MMP26: variants seen among roughly 807,000 people sequenced by gnomAD.
The protein encoded by MMP26 is matrix metalloproteinase-26.
MMP26 carries 33 observed loss-of-function variants against 31.0 expected under a neutral mutation model. The ratio of observed to expected loss-of-function variants is 1.06; its 90% CI spans 0.81 to 1.42. The LOEUF (loss-of-function observed/expected upper bound fraction) is 1.42, where lower values mean the gene tolerates loss of function less well. Ranked by LOEUF, MMP26 falls within the 40% of genes most tolerant of loss-of-function variation. MMP26 has a pLI of 0.00. For missense variants in MMP26, 347 were observed against 316.1 expected, an observed-to-expected ratio of 1.10 and a Z score of -0.74; for synonymous variants, 122 against 114.9, an observed-to-expected ratio of 1.06 and a Z score of -0.40.
At position 4,947,258 on chromosome 11, in the gene MMP26, A is replaced by G; in HGVS notation, c.-144-40810A>G. On this transcript the variant is annotated intron_variant, in intron 2 of 7. Coordinates refer to ENST00000380390, the MANE Select transcript of MMP26 (RefSeq NM_021801.5). ...AGCATTTATGTGGCTATCATCATGA[A>G]GAGAGATGGTTGGTTGCTGCTTTGG... The G allele has an allele frequency of 4.6e-6, 2 of 435,170 alleles. 1 individual carries two copies. The highest frequency in any genetic ancestry group is 7.9e-6 in the Non-Finnish European group (2 of 254,036). 27.0% of individuals were successfully genotyped at this position (435,170 alleles called of 1,614,324 possible).
intron 2 of MMP26, chr11:4,915,039 C>T (rs767452142): frequency 2.3e-5 from 37 of 1,613,836 alleles, no homozygotes; most frequent in East Asian, 6.7e-5. Flanking sequence ...ACTGTAGAGA[C>T]GATGACAAAC....
intron 2 of MMP26, among the ~76,000 whole-genome samples, chr11:4,771,418 C>T (rs1848718523): frequency 6.6e-6 from 1 of 152,074 alleles, no homozygotes; most frequent in East Asian, 1.9e-4. Flanking sequence ...TACTGCTGTT[C>T]AAAAGTGTAA....
intron 1 of MMP26, among the ~76,000 whole-genome samples, chr11:4,764,879 GACACAC>G (rs60775849): frequency 6.7e-6 from 1 of 150,276 alleles, no homozygotes; most frequent in Non-Finnish European, 1.5e-5. Flanking sequence ...CTCCATCACA[GACACAC>G]ACACACACAC....
intron 1 of MMP26, among the ~76,000 whole-genome samples, chr11:4,749,560 G>C (rs1848421820): frequency 6.6e-6 from 1 of 152,064 alleles, no homozygotes; most frequent in African/African-American, 2.4e-5. Context: ...AAAGAGCATA[G>C]TACTGGTATA....
At chr11:4,726,123 C>T (rs995485330) in intron 1 of MMP26, among the ~76,000 whole-genome samples, 1 of 152,170 alleles carries the variant, frequency 6.6e-6, no homozygotes, top group African/African-American at 2.4e-5. Context: ...CCAAGAGAAG[C>T]CCCCCAAACC....
intron 1 of MMP26, among the ~76,000 whole-genome samples, chr11:4,715,174 G>A (rs904401010): frequency 2.0e-5 from 3 of 151,892 alleles, no homozygotes; most frequent in South Asian, 2.1e-4. Flanking sequence ...ATATTTCAAG[G>A]TATTGGGAAT....
Position 4,952,610 on chromosome 11 carries a change from G to T in MMP26, c.-144-35458G>T, listed in dbSNP as rs189986310. Among the ~76,000 whole-genome samples, 5 of 125,178 alleles carry T rather than the reference G, an allele frequency of 4.0e-5. 2 individuals carry two copies. In the Admixed American group the frequency reaches 4.4e-4, roughly 11 times the overall value. The allele number at this position is 125,178 out of a possible 152,430, so 82.1% of individuals were successfully genotyped here. A position where few individuals can be genotyped will look rare whatever the true frequency, so the allele number is the denominator to read the frequency against. Reference sequence around the variant, plus strand: ...AATTTAAAAACTAAAATGTACTCAAGATAATACTATCCTGGAGTATCAGAG... The same window carrying T: ...AATTTAAAAACTAAAATGTACTCAATATAATACTATCCTGGAGTATCAGAG... On this transcript the variant is annotated intron_variant, in intron 2 of 7. Transcript: ENST00000380390.
At position 4,807,079 on chromosome 11, in the gene MMP26, A is replaced by T. The variant is rs538287065; in HGVS notation, c.-145+39738A>T. 1.8e-4 allele frequency among the ~76,000 whole-genome samples: 28 copies of T among 152,276 alleles called. No individual in the cohort carries two copies. The South Asian group carries it at 5.4e-3, about 29-fold the overall frequency. Reference sequence around the variant, plus strand: ...AATTTAAAAAATAAATAAATAAATAATTGTTATTTTTGGAGACTTAGCACT... The same window carrying T: ...AATTTAAAAAATAAATAAATAAATATTTGTTATTTTTGGAGACTTAGCACT... On this transcript the variant is annotated intron_variant, in intron 2 of 7. Coordinates refer to ENST00000380390, the MANE Select transcript of MMP26 (RefSeq NM_021801.5).
intron 2 of MMP26, among the ~76,000 whole-genome samples, chr11:4,978,270 C>G (rs1846766473): frequency 6.6e-6 from 1 of 152,026 alleles, no homozygotes; most frequent in South Asian, 2.1e-4. Flanking sequence ...ACAAAGACAT[C>G]CATTTAGCAT....
chr11:4,833,758 T>G (rs967560173), intron 2 of MMP26, among the ~76,000 whole-genome samples: 3 of 152,124 alleles, frequency 2.0e-5, no homozygotes, highest in Non-Finnish European at 4.4e-5. Context: ...GTGAAGCAAA[T>G]TTTGGTGGAA....
At chr11:4,881,795 C>G (rs747807082) in intron 2 of MMP26, 12 of 1,062,008 alleles carry the variant, frequency 1.1e-5, no homozygotes, top group Non-Finnish European at 4.1e-6. Context: ...AAATAACTAC[C>G]TTAAATTTAA....
intron 1 of MMP26, among the ~76,000 whole-genome samples, chr11:4,750,128 A>G (rs1848429766): frequency 6.6e-6 from 1 of 152,162 alleles, no homozygotes; most frequent in African/African-American, 2.4e-5. Context: ...AAAGGACATT[A>G]ACAGACAGTT....
intron 2 of MMP26, among the ~76,000 whole-genome samples, chr11:4,805,320 G>A (rs1458615814): frequency 6.6e-6 from 1 of 152,110 alleles, no homozygotes; most frequent in Non-Finnish European, 1.5e-5. Context: ...GTTTCTCCTA[G>A]ACAAGAAGTT....
chr11:4,903,390 G>T (rs560776648), intron 2 of MMP26, among the ~76,000 whole-genome samples: 3 of 152,152 alleles, frequency 2.0e-5, no homozygotes, highest in African/African-American at 4.8e-5. Flanking sequence ...GATACTTATA[G>T]ATTACTATCT....
intron 2 of MMP26, chr11:4,943,971 T>C: frequency 2.4e-6 from 1 of 409,012 alleles, no homozygotes; most frequent in Non-Finnish European, 4.8e-6. Flanking sequence ...CCTCATCTTT[T>C]TAGTGGAAAT....
At chr11:4,915,509 A>G (rs1271810211) in intron 2 of MMP26, 4 of 1,614,022 alleles carry the variant, frequency 2.5e-6, no homozygotes, top group Non-Finnish European at 3.4e-6. Flanking sequence ...TTTAATGATA[A>G]AAAGAATTGT....
intron 1 of MMP26, among the ~76,000 whole-genome samples, chr11:4,746,085 A>C (rs948279352): frequency 6.6e-6 from 1 of 152,210 alleles, no homozygotes; most frequent in Non-Finnish European, 1.5e-5. Flanking sequence ...AAAACACTTC[A>C]TAGACAAGTG....
At position 4,770,877 on chromosome 11, in the gene MMP26, C is replaced by T. The variant is rs551117662; in HGVS notation, c.-145+3536C>T. ...AAAAAAAAAAACATGGTGTGAAGAC[C>T]GGATGTTACATGAGCAGCTGTGTCG... On this transcript the variant is annotated intron_variant, in intron 2 of 7. Transcript: ENST00000380390. Among the ~76,000 whole-genome samples the T allele has an allele frequency of 2.6e-5, 4 of 151,990 alleles. No individual in the cohort carries two copies. In the South Asian group the frequency reaches 8.3e-4, roughly 32 times the overall value.
rs3223670 is a variant in MMP26, at chr11:4,746,831, T to TCACACACA, written c.-216-20400_-216-20393dup. ...CCTGGGCAACAAGAGTAAGTCTCTG[T>TCACACACA]CACACACACACACACACACACACAC... On this transcript the variant is annotated intron_variant, in intron 1 of 7. Coordinates refer to ENST00000380390, the MANE Select transcript of MMP26 (RefSeq NM_021801.5). Among the ~76,000 whole-genome samples, 630 of 137,192 alleles carry TCACACACA rather than the reference T, an allele frequency of 4.6e-3. 4 individuals carry two copies. The highest frequency in any genetic ancestry group is 7.6e-3 in the African/African-American group (274 of 36,090). The allele number at this position is 137,192 out of a possible 152,430, so 90.0% of individuals were successfully genotyped here.
Sources: gnomAD v4.1 joint callset for allele counts (sites outside exome capture counted in the v4.1 genomes callset) on GRCh38, gnomAD v4.1.1 for gene constraint, MANE v1.5 for transcripts, NCBI Gene and HGNC (gene_info 2026-07-23, HGNC 2026-07-21) for gene names.